Variants in SCN10A observed in about 807,000 individuals in gnomAD.
SCN10A encodes sodium channel protein type 10 subunit alpha.
In SCN10A, 162 loss-of-function variants were observed where a neutral mutation model predicts 170.7. The observed-to-expected ratio is 0.95, with a 90% CI of 0.84 to 1.08. SCN10A has a LOEUF of 1.08. Ranked by LOEUF, SCN10A falls within the 50% of genes least tolerant of loss-of-function variation. The probability of loss-of-function intolerance (pLI) is 0.00; values close to 1 mark genes in which losing one functional copy is unlikely to be tolerated. For missense variants in SCN10A, 2,527 were observed against 2,436.9 expected (o/e 1.04, Z -0.78); for synonymous variants, 985 against 904.6 (o/e 1.09, Z -1.59).
intron 15 of SCN10A, among the ~76,000 whole-genome samples, chr3:38,736,048 G>A (rs2063556912): frequency 6.6e-6 from 1 of 152,216 alleles, no homozygotes; most frequent in South Asian, 2.1e-4. Flanking sequence ...GGTGACAAGT[G>A]CATTGAACAC....
chr3:38,755,653 G>T, intron 11 of SCN10A, 135 bp downstream of exon 11: 1 of 929,278 alleles, frequency 1.1e-6, no homozygotes, highest in Non-Finnish European at 1.7e-6. Context: ...ACACCATTTT[G>T]GAGGGGTGTC....
chr3:38,802,837 G>T (rs554639074), intron 1 of SCN10A, among the ~76,000 whole-genome samples: 1 of 152,094 alleles, frequency 6.6e-6, no homozygotes, highest in Non-Finnish European at 1.5e-5. Flanking sequence ...CACAGCAAAA[G>T]AAACTACCAT....
At chr3:38,795,030 T>A (rs1329522676) in intron 1 of SCN10A, among the ~76,000 whole-genome samples, 2 of 152,144 alleles carry the variant, frequency 1.3e-5, no homozygotes, top group Non-Finnish European at 2.9e-5. Flanking sequence ...ATCTACCTCA[T>A]TTTTTTCTCT....
chr3:38,704,530 T>G (rs1014581754), intron 26 of SCN10A, among the ~76,000 whole-genome samples: 1 of 152,220 alleles, frequency 6.6e-6, no homozygotes, highest in Non-Finnish European at 1.5e-5. Context: ...CAACCCTTGG[T>G]GCTCTCAGAG....
chr3:38,752,553 TC>T (rs2063761180), intron 11 of SCN10A, 41 bp from the exon 12 acceptor site: 2 of 1,484,550 alleles, frequency 1.3e-6, no homozygotes, highest in East Asian at 4.9e-5. Context: ...TGGAAACTGG[TC>T]CTCTGGGAAA....
intron 4 of SCN10A, among the ~76,000 whole-genome samples, chr3:38,780,884 A>G (rs1022115128): frequency 7.2e-5 from 11 of 152,098 alleles, no homozygotes; most frequent in Admixed American, 5.2e-4. Context: ...AACCTTGAAG[A>G]TGAGGAGAGT....
In SCN10A at chr3:38,756,846, T is replaced by G; in HGVS notation, c.1118A>C (p.Tyr373Ser). ...QQTLRTSGKI[Y>S]MIFFVLVIFL... ...GATTACGAGCACAAAAAAGATCATA[T>G]AGATTTTCCCAGAAGTCCTCAGGGT... The change falls in exon 10 of 28, where the codon TAT (tyrosine) becomes TCT (serine). Residue 373 changes from tyrosine to serine, a missense_variant. Tyr to Ser is a moderately radical substitution (Grantham distance 144, BLOSUM62 -2). Coordinates refer to ENST00000449082, the MANE Select transcript of SCN10A (RefSeq NM_006514.4). 6.2e-7 allele frequency: 1 copy of G among 1,614,160 alleles called. No individual in the cohort carries two copies. The highest frequency in any genetic ancestry group is 8.5e-7 in the Non-Finnish European group (1 of 1,180,016).
chr3:38,733,051 AG>A (rs34929296), intron 15 of SCN10A, among the ~76,000 whole-genome samples: 2 of 152,210 alleles, frequency 1.3e-5, no homozygotes, highest in Non-Finnish European at 2.9e-5. Flanking sequence ...GCATGGGGAA[AG>A]GAAAGCAAAG....
rs756235256 is a variant in SCN10A at position 38,742,407 on chromosome 3, C to T, written c.1990G>A (p.Asp664Asn). 6.2e-7 allele frequency: 1 copy of T among 1,614,152 alleles called. No individual in the cohort carries two copies. The highest frequency in any genetic ancestry group is 2.2e-5 in the East Asian group (1 of 44,872). ...GTGATGGTGAGCTCTGCAAAGGGATCCGTCACAAGCCCAAAGAGAATTGTC... is the reference window on the plus strand; with the variant it reads ...GTGATGGTGAGCTCTGCAAAGGGATTCGTCACAAGCCCAAAGAGAATTGTC... ...LKTILFGLVT[D>N]PFAELTITLC... The change falls in exon 14 of 28, where the codon GAT becomes AAT. Residue 664 changes from aspartate to asparagine, a missense_variant. Transcript: ENST00000449082.
At chr3:38,755,067 A>G (rs1302281136) in intron 11 of SCN10A, among the ~76,000 whole-genome samples, 1 of 152,028 alleles carries the variant, frequency 6.6e-6, no homozygotes, top group African/African-American at 2.4e-5. Flanking sequence ...TATGGGGGGA[A>G]AAGAATTGCT....
Position 38,742,358 on chromosome 3 carries a change from A to T in SCN10A, c.2039T>A (p.Ile680Asn). The stretch of plus-strand genomic sequence containing the variant: ...GCCATGGTGCTCCATGGCCATGAAG[A>T]TGGTGTTCACCACGATGCACAAGGT... The part of the protein sequence containing the change: ...TITLCIVVNT[I>N]FMAMEHHGMS... Residue 680 changes from isoleucine (I) to asparagine (N), a missense_variant, in exon 14 of 28, where the codon ATC (isoleucine) becomes AAC (asparagine). Transcript: ENST00000449082. 6.2e-7 allele frequency: 1 copy of T among 1,614,136 alleles called. No homozygotes were observed. Among genetic ancestry groups the T allele is most frequent in the Non-Finnish European group, 8.5e-7 (1 of 1,180,030 alleles).
At chr3:38,710,924 A>T (rs940850483) in intron 23 of SCN10A, 27 bp from the exon 24 acceptor site, 10 of 1,602,558 alleles carry the variant, frequency 6.2e-6, no homozygotes, top group Non-Finnish European at 8.5e-6. Flanking sequence ...GAGGCCACTC[A>T]GTGTCTGCCC....
chr3:38,793,558 C>A (rs2064311581), intron 2 of SCN10A, among the ~76,000 whole-genome samples, 183 bp downstream of exon 2: 1 of 152,060 alleles, frequency 6.6e-6, no homozygotes, highest in Admixed American at 6.6e-5. Flanking sequence ...TCATAAATGT[C>A]ATAAAAATTC....
At chr3:38,746,100 T>TCTA (rs71085336) in intron 13 of SCN10A, among the ~76,000 whole-genome samples, 1 of 99,816 alleles carries the variant, frequency 1.0e-5, no homozygotes, top group African/African-American at 3.6e-5. Context: ...TATATATATA[T>TCTA]GCCATCTTTG....
At chr3:38,719,838 C>T (rs2125995366) in intron 20 of SCN10A, among the ~76,000 whole-genome samples, 1 of 152,360 alleles carries the variant, frequency 6.6e-6, no homozygotes, top group Non-Finnish European at 1.5e-5. Flanking sequence ...GGTGCCCACT[C>T]AGGTCCTCTT....
At chr3:38,707,505 A>G in intron 25 of SCN10A, 122 bp from the exon 26 acceptor site, 1 of 953,832 alleles carries the variant, frequency 1.0e-6, no homozygotes, top group Admixed American at 2.3e-5. Flanking sequence ...TAGACAAACC[A>G]AGCCCAGCAT....
chr3:38,750,246 G>C (rs927187570), intron 12 of SCN10A, 62 bp from the exon 13 acceptor site: 1 of 915,620 alleles, frequency 1.1e-6, no homozygotes, highest in African/African-American at 1.6e-5. Context: ...GGCAAAGTTG[G>C]ATCATTCAGC....
chr3:38,807,508 G>C (rs1277429985), intron 1 of SCN10A, among the ~76,000 whole-genome samples: 2 of 152,130 alleles, frequency 1.3e-5, no homozygotes, highest in Non-Finnish European at 2.9e-5. Context: ...AGCAGGATTT[G>C]ACATGACTGG....
Position 38,792,106 on chromosome 3 carries a change from C to G in SCN10A, c.333G>C (p.Trp111Cys). 6.2e-7 allele frequency: 1 copy of G among 1,613,860 alleles called. No homozygotes were observed. Among genetic ancestry groups the G allele is most frequent in the Middle Eastern group, 1.7e-4 (1 of 6,058 alleles). Residue 111 changes from tryptophan (W) to cysteine (C), a missense_variant, in exon 3 of 28, where the codon TGG (tryptophan) becomes TGC (cysteine). Coordinates refer to ENST00000449082, the MANE Select transcript of SCN10A (RefSeq NM_006514.4). ...ISRFSATRAL[W>C]LFSPFNLIRR... ...TGATCAGGTTGAAAGGACTGAATAG[C>G]CACAGGGCCCGAGTGGCACTAAACC... is the stretch of plus-strand genomic sequence containing the variant.
Sources: gnomAD v4.1 joint callset for allele counts (sites outside exome capture counted in the v4.1 genomes callset) on GRCh38, gnomAD v4.1.1 for gene constraint, MANE v1.5 for transcripts, NCBI Gene and HGNC (gene_info 2026-07-23, HGNC 2026-07-21) for gene names.